Variants in FEZ1 observed in about 807,000 individuals in gnomAD.
FEZ1 encodes the protein fasciculation and elongation protein zeta-1.
FEZ1 carries 20 observed loss-of-function variants against 49.3 expected under a neutral mutation model. The ratio of observed to expected loss-of-function variants is 0.41; its 90% CI spans 0.29 to 0.59. The LOEUF is 0.59. FEZ1 is among the 20% of genes least tolerant of loss of function. FEZ1 has a pLI of 0.36. For synonymous variants in FEZ1, 170 were observed against 180.9 expected (o/e 0.94, Z 0.48); for missense variants, 413 against 476.0 (o/e 0.87, Z 1.23).
chr11:125,477,185 G>T (rs1400652572), intron 3 of FEZ1, among the ~76,000 whole-genome samples: 1 of 152,006 alleles, frequency 6.6e-6, no homozygotes, highest in African/African-American at 2.4e-5. Context: ...GGTGGGGATA[G>T]ACTGTACCTT....
chr11:125,457,418 AAAAAAAAAAAAAT>A (rs1412587259), intron 5 of FEZ1, among the ~76,000 whole-genome samples: 54 of 53,860 alleles, frequency 1.0e-3, no homozygotes, highest in African/African-American at 3.6e-3. Flanking sequence ...AAAAAAAAAA[AAAAAAAAAAAAAT>A]ATATATATAT....
Position 125,458,127 on chromosome 11 carries a change from G to A in FEZ1, c.668-2021C>T, listed in dbSNP as rs76253289. Among the ~76,000 whole-genome samples, 133 of 152,252 alleles carry A rather than the reference G, an allele frequency of 8.7e-4. 1 individual carries two copies. In the East Asian group the frequency reaches 0.02, roughly 23 times the overall value. The stretch of plus-strand genomic sequence containing the variant: ...GACTCTCTGCCGGCCACCTCCTGCC[G>A]CTGCTATTCAAAGCCAAAGTCTGAC... On this transcript the variant is annotated intron_variant, in intron 5 of 9. Transcript: ENST00000278919.
At chr11:125,490,593 C>T (rs1237083498) in intron 1 of FEZ1, among the ~76,000 whole-genome samples, 2 of 151,980 alleles carry the variant, frequency 1.3e-5, no homozygotes, top group African/African-American at 2.4e-5. Context: ...TGTGGTGGCT[C>T]ATGCTTGTAA....
intron 1 of FEZ1, among the ~76,000 whole-genome samples, chr11:125,491,260 C>A (rs533491696): frequency 6.6e-6 from 1 of 152,308 alleles, no homozygotes; most frequent in South Asian, 2.1e-4. Flanking sequence ...GGACCTCTAC[C>A]CCTCATCGGG....
chr11:125,474,025 C>A (rs1342759350), intron 3 of FEZ1, among the ~76,000 whole-genome samples: 2 of 151,116 alleles, frequency 1.3e-5, no homozygotes, highest in African/African-American at 4.9e-5. Context: ...ATTTAATTTT[C>A]CTTTTCTTTT....
intron 2 of FEZ1, among the ~76,000 whole-genome samples, chr11:125,486,986 C>A (rs1329384103): frequency 6.6e-6 from 1 of 152,188 alleles, no homozygotes. Context: ...GCTACACTGT[C>A]CCCAAATTAT....
intron 3 of FEZ1, among the ~76,000 whole-genome samples, chr11:125,474,330 G>A (rs751893981): frequency 4.9e-4 from 73 of 149,924 alleles, no homozygotes; most frequent in Middle Eastern, 3.5e-3. Context: ...GAGCTACCAC[G>A]CCCGGCCTAA....
In FEZ1 at chr11:125,455,891, T is replaced by C. The variant is rs757734015; in HGVS notation, c.883A>G (p.Lys295Glu). The C allele has an allele frequency of 3.8e-5, 62 of 1,613,616 alleles. No homozygotes were observed. Among genetic ancestry groups the C allele is most frequent in the Non-Finnish European group, 5.0e-5 (59 of 1,179,956 alleles). The change falls in exon 6 of 10, where the codon AAA (lysine) becomes GAA (glutamate). Residue 295 changes from lysine to glutamate, a missense_variant. Coordinates refer to ENST00000278919, the MANE Select transcript of FEZ1 (RefSeq NM_005103.5). ...CGGCTGCTCTGCAGGCTCAGCCCTT[T>C]CTCTTTCCGCCTCTTTTTCATCAGT... ...RELMKKRRKE[K>E]GLSLQSSRIE...
Position 125,495,315 on chromosome 11 carries a change from G to T in FEZ1, c.-46+806C>A. On this transcript the variant is annotated intron_variant, in intron 1 of 9. Coordinates refer to ENST00000278919, the MANE Select transcript of FEZ1 (RefSeq NM_005103.5). The surrounding 1 kb of genome is among the most constrained non-coding windows in gnomAD (Gnocchi z 4.2). ...CAAACAAGCCCGGACACGGGAGAGG[G>T]ATGAGAGTCGGGGATGCCTAGCGGC... The T allele has an allele frequency of 2.2e-6, 1 of 462,608 alleles. No homozygotes were observed. The highest frequency in any genetic ancestry group is 4.5e-6 in the Non-Finnish European group (1 of 221,428). The allele number at this position is 462,608 out of a possible 1,614,324, so 28.7% of individuals were successfully genotyped here.
intron 3 of FEZ1, among the ~76,000 whole-genome samples, chr11:125,475,206 G>T (rs926591187): frequency 3.3e-5 from 5 of 151,576 alleles, no homozygotes; most frequent in African/African-American, 1.2e-4. Context: ...GGAGGTGGAG[G>T]TTGCTGTGAG....
In FEZ1 at chr11:125,443,201, C is replaced by T. The variant is rs529522513; in HGVS notation, c.*2894G>A. On this transcript the variant is annotated 3_prime_UTR_variant, in exon 10 of 10. Coordinates refer to ENST00000278919, the MANE Select transcript of FEZ1 (RefSeq NM_005103.5). Reference sequence around the variant, plus strand: ...GCTCTCTGGCACACTTTGCGGAGTGCGGACATCCTAGACAGGACTTGAGTT... The same window carrying T: ...GCTCTCTGGCACACTTTGCGGAGTGTGGACATCCTAGACAGGACTTGAGTT... 3.9e-5 allele frequency among the ~76,000 whole-genome samples: 6 copies of T among 152,204 alleles called. No homozygotes were observed. The highest frequency in any genetic ancestry group is 1.9e-4 in the East Asian group (1 of 5,190).
Position 125,442,964 on chromosome 11 carries a change from G to C in FEZ1, c.*3131C>G, listed in dbSNP as rs902176978. Among the ~76,000 whole-genome samples the C allele has an allele frequency of 3.3e-5, 5 of 152,018 alleles. No individual in the cohort carries two copies. The highest frequency in any genetic ancestry group is 5.9e-5 in the Non-Finnish European group (4 of 68,004). Reference sequence around the variant, plus strand: ...TTGGCCAGGCTGGTCTCAAACTCCTGACCTCAGGTGATCTGCCCACCTCGG... The same window carrying C: ...TTGGCCAGGCTGGTCTCAAACTCCTCACCTCAGGTGATCTGCCCACCTCGG... On this transcript the variant is annotated 3_prime_UTR_variant, in exon 10 of 10. Transcript: ENST00000278919.
At position 125,456,114 on chromosome 11, in the gene FEZ1, G is replaced by C; in HGVS notation, c.668-8C>G. On this transcript the variant is annotated splice_region_variant and splice_polypyrimidine_tract_variant and intron_variant, in intron 5 of 9. Coordinates refer to ENST00000278919, the MANE Select transcript of FEZ1 (RefSeq NM_005103.5). ...CAGACATGTGCCTCAGCCCTGCAGG[G>C]GAAGACCGTCTCCCGCATAACACCT... 6.4e-7 allele frequency: 1 copy of C among 1,573,720 alleles called. No individual in the cohort carries two copies. The highest frequency in any genetic ancestry group is 2.2e-5 in the East Asian group (1 of 44,462).
At chr11:125,457,722 T>A (rs1457190054) in intron 5 of FEZ1, among the ~76,000 whole-genome samples, 2 of 151,924 alleles carry the variant, frequency 1.3e-5, no homozygotes, top group African/African-American at 4.8e-5. Flanking sequence ...AATAATCACA[T>A]CATGGAGAAT....
intron 6 of FEZ1, among the ~76,000 whole-genome samples, chr11:125,454,792 G>T (rs1243690205): frequency 3.3e-5 from 5 of 151,676 alleles, no homozygotes; most frequent in Admixed American, 6.6e-5. Context: ...GAGGCGGGGA[G>T]ATCACGAGGT....
At chr11:125,450,701 TC>T (rs2135737263) in intron 8 of FEZ1, among the ~76,000 whole-genome samples, 1 of 152,218 alleles carries the variant, frequency 6.6e-6, no homozygotes, top group Admixed American at 6.5e-5. Context: ...AGGTAGTATA[TC>T]CACATGATAG....
At chr11:125,477,598 T>C (rs1444118547) in intron 3 of FEZ1, among the ~76,000 whole-genome samples, 1 of 152,196 alleles carries the variant, frequency 6.6e-6, no homozygotes, top group African/African-American at 2.4e-5. Flanking sequence ...CCCTGCCGCC[T>C]CTACCTGACC....
intron 3 of FEZ1, among the ~76,000 whole-genome samples, chr11:125,480,340 T>A (rs1326724782): frequency 2.0e-5 from 3 of 148,654 alleles, no homozygotes; most frequent in Non-Finnish European, 4.5e-5. Context: ...GAGCCGAGAC[T>A]GTGCCACTGC....
At chr11:125,477,963 A>C (rs191692625) in intron 3 of FEZ1, among the ~76,000 whole-genome samples, 173 of 152,346 alleles carry the variant, frequency 1.1e-3, no homozygotes, top group Non-Finnish European at 1.7e-3. Flanking sequence ...TTTGTCTTGC[A>C]CTTACAGTGC....
Sources: allele counts gnomAD v4.1 joint callset (sites outside exome capture counted in the v4.1 genomes callset), GRCh38; gene constraint gnomAD v4.1.1; non-coding constraint Gnocchi (gnomAD v3.1); transcripts MANE v1.5; gene names NCBI Gene and HGNC (gene_info 2026-07-23, HGNC 2026-07-21).